Variants in CACNG7 observed in about 807,000 individuals in gnomAD.
The protein encoded by CACNG7 is voltage-dependent calcium channel gamma-7 subunit.
Under a neutral mutation model 26.3 loss-of-function variants are expected in CACNG7, and 9 were observed. The observed-to-expected ratio is 0.34, with a 90% CI of 0.21 to 0.60. CACNG7 has a LOEUF of 0.60. Among genes scored for constraint, CACNG7 ranks in the 20% least tolerant of loss-of-function variants. The pLI is 0.81. For synonymous variants in CACNG7, 170 were observed against 157.0 expected (o/e 1.08, Z -0.62); for missense variants, 297 against 380.4 (o/e 0.78, Z 1.82).
At chr19:53,919,175 C>T (rs961032123) in intron 4 of CACNG7, among the ~76,000 whole-genome samples, 2 of 151,990 alleles carry the variant, frequency 1.3e-5, no homozygotes, top group African/African-American at 4.8e-5. Flanking sequence ...ATTAAGATCA[C>T]AAAAAAGAAG....
rs1292469863 is a variant in CACNG7, at chr19:53,915,027, G to T, written c.284-338G>T. 1.4e-5 allele frequency among the ~76,000 whole-genome samples: 2 copies of T among 147,024 alleles called. 1 individual carries two copies. The highest frequency in any genetic ancestry group is 4.3e-4 in the South Asian group (2 of 4,658). On this transcript the variant is annotated intron_variant, in intron 3 of 5. Transcript: ENST00000391767. ...TCTCAAAAAAAAAAATAAATAAAAGGAAGGAAGAAAGAAAGAAGGCAAGGC... is the reference window on the plus strand; with the variant it reads ...TCTCAAAAAAAAAAATAAATAAAAGTAAGGAAGAAAGAAAGAAGGCAAGGC...
At position 53,923,929 on chromosome 19, in the gene CACNG7, C is replaced by G. The variant is rs1434978233; in HGVS notation, c.424+8424C>G. ...GGTCTGGTCATTGGTGGAGTTGTCCCCAGGTCTGGTATTGGTGGAGTTGTC... is the reference window on the plus strand; with the variant it reads ...GGTCTGGTCATTGGTGGAGTTGTCCGCAGGTCTGGTATTGGTGGAGTTGTC... On this transcript the variant is annotated intron_variant, in intron 4 of 5. Transcript: ENST00000391767. Among the ~76,000 whole-genome samples the G allele has an allele frequency of 1.4e-5, 2 of 145,716 alleles. 1 individual carries two copies. The highest frequency in any genetic ancestry group is 3.0e-5 in the Non-Finnish European group (2 of 66,594).
intron 4 of CACNG7, among the ~76,000 whole-genome samples, chr19:53,924,278 CTTTCCCCAGGTCTGGTCATTGGTGGAG>C (rs1431779945): frequency 3.0e-5 from 3 of 99,406 alleles, no homozygotes; most frequent in African/African-American, 1.4e-4. Context: ...CATTGGTGGA[CTTTCCCCAGGTCTGGTCATTGGTGGAG>C]TTGCCCCAGG....
chr19:53,916,820 C>T (rs1308070612), intron 4 of CACNG7, among the ~76,000 whole-genome samples: 1 of 115,082 alleles, frequency 8.7e-6, no homozygotes, highest in Non-Finnish European at 1.7e-5. Flanking sequence ...TTTTTTGAGA[C>T]GGAGTCTCCC....
chr19:53,928,186 C>G (rs1194616417), intron 4 of CACNG7, among the ~76,000 whole-genome samples: 1 of 152,098 alleles, frequency 6.6e-6, no homozygotes, highest in Non-Finnish European at 1.5e-5. Flanking sequence ...AAAAAGAAAA[C>G]AAAATCTCTT....
intron 1 of CACNG7, among the ~76,000 whole-genome samples, chr19:53,911,611 G>T (rs1427032018): frequency 6.6e-6 from 1 of 152,120 alleles, no homozygotes. Flanking sequence ...GGTCCCAGCT[G>T]AGAGTCAGAG....
intron 4 of CACNG7, among the ~76,000 whole-genome samples, chr19:53,936,549 T>C (rs150996195): frequency 1.3e-5 from 2 of 152,352 alleles, no homozygotes; most frequent in Admixed American, 1.3e-4. Flanking sequence ...CTTTCTCTTT[T>C]TTCTTATTTT....
chr19:53,929,274 G>A (rs2069055512), intron 4 of CACNG7, among the ~76,000 whole-genome samples: 1 of 128,898 alleles, frequency 7.8e-6, no homozygotes, highest in Non-Finnish European at 1.5e-5. Context: ...GAGAGAGAGA[G>A]AGGGAGAGAG....
At chr19:53,914,612 C>T in intron 3 of CACNG7, 26 bp downstream of exon 3, 1 of 1,592,558 alleles carries the variant, frequency 6.3e-7, no homozygotes, top group Non-Finnish European at 8.6e-7. Context: ...GGCACCTAGG[C>T]ACAAGACAGC....
intron 1 of CACNG7, among the ~76,000 whole-genome samples, chr19:53,911,924 G>C (rs1411254812): frequency 2.0e-5 from 3 of 152,166 alleles, no homozygotes; most frequent in Non-Finnish European, 4.4e-5. Context: ...GGGGGCCTCT[G>C]CTCAAAGTCT....
chr19:53,929,763 G>A (rs1271572078), intron 4 of CACNG7, among the ~76,000 whole-genome samples: 4 of 151,998 alleles, frequency 2.6e-5, no homozygotes, highest in Non-Finnish European at 4.4e-5. Context: ...CCCTTACTGC[G>A]TCTCAACATT....
intron 1 of CACNG7, among the ~76,000 whole-genome samples, chr19:53,911,692 C>T (rs976229867): frequency 2.3e-4 from 35 of 152,146 alleles, no homozygotes; most frequent in Non-Finnish European, 4.6e-4. Context: ...TGATGGTGCC[C>T]GTTTCCGAAC....
chr19:53,940,449 G>A lies in CACNG7; in HGVS notation c.425-1021G>A, dbSNP rs1261893790. ...CTCAGGCCTCATCCTCTTCGCCCTG[G>A]AATATGTCTCCCTCCAGTCTGTTCC... On this transcript the variant is annotated intron_variant, in intron 4 of 5. Transcript: ENST00000391767. The surrounding 1 kb of genome is among the most constrained non-coding windows in gnomAD (Gnocchi z 4.1). 1.3e-5 allele frequency among the ~76,000 whole-genome samples: 2 copies of A among 151,980 alleles called. No homozygotes were observed. Among genetic ancestry groups the A allele is most frequent in the Admixed American group, 1.3e-4 (2 of 15,244 alleles).
Position 53,942,695 on chromosome 19 carries a change from G to T in CACNG7, c.*402G>T. 1 of 549,428 alleles carries T rather than the reference G, an allele frequency of 1.8e-6. No homozygotes were observed. The highest frequency in any genetic ancestry group is 2.4e-6 in the Non-Finnish European group (1 of 411,874). 34.0% of individuals were successfully genotyped at this position (549,428 alleles called of 1,614,324 possible). Reference sequence around the variant, plus strand: ...TCGGACCTCACCGCAGGGGCGCTGGGCTGGAGAGCAGGTTCGGGCAGCCGT... The same window carrying T: ...TCGGACCTCACCGCAGGGGCGCTGGTCTGGAGAGCAGGTTCGGGCAGCCGT... On this transcript the variant is annotated 3_prime_UTR_variant, in exon 6 of 6. Coordinates refer to ENST00000391767, the MANE Select transcript of CACNG7 (RefSeq NM_031896.5). The surrounding 1 kb of genome is among the most constrained non-coding windows in gnomAD (Gnocchi z 5.9).
At chr19:53,921,689 C>T (rs1436837734) in intron 4 of CACNG7, among the ~76,000 whole-genome samples, 15 of 92,122 alleles carry the variant, frequency 1.6e-4, no homozygotes, top group African/African-American at 4.2e-4. Context: ...GGTGGACTTG[C>T]CCCAGGTCTG....
At chr19:53,925,184 C>T (rs186285518) in intron 4 of CACNG7, among the ~76,000 whole-genome samples, 4 of 128,914 alleles carry the variant, frequency 3.1e-5, no homozygotes, top group African/African-American at 9.8e-5. Flanking sequence ...GGTGAAGTTG[C>T]CCCAGGTCTG....
chr19:53,910,372 G>T (rs1452165856), intron 1 of CACNG7, among the ~76,000 whole-genome samples: 2 of 151,662 alleles, frequency 1.3e-5, no homozygotes, highest in South Asian at 4.2e-4. Flanking sequence ...TGGGGGGGAA[G>T]GAGGGGGGAT....
intron 4 of CACNG7, among the ~76,000 whole-genome samples, chr19:53,916,487 C>CTTTTTTTTTTTTTTTTTTTTTTTTT (rs397706471): frequency 1.0e-5 from 1 of 95,466 alleles, no homozygotes; most frequent in African/African-American, 4.4e-5. Context: ...TTCTTTCTTT[C>CTTTTTTTTTTTTTTTTTTTTTTTTT]TTTTTTTTTT....
At chr19:53,914,048 G>T (rs529881999) in intron 2 of CACNG7, among the ~76,000 whole-genome samples, 2 of 152,050 alleles carry the variant, frequency 1.3e-5, no homozygotes, top group East Asian at 3.9e-4. Context: ...GGCCAAGGCA[G>T]GTGGATCACA....
Sources: allele counts gnomAD v4.1 joint callset (sites outside exome capture counted in the v4.1 genomes callset), GRCh38; gene constraint gnomAD v4.1.1; non-coding constraint Gnocchi (gnomAD v3.1); transcripts MANE v1.5; gene names NCBI Gene and HGNC (gene_info 2026-07-23, HGNC 2026-07-21).